Variants in ULK4 observed in about 807,000 individuals in gnomAD.
The protein encoded by ULK4 is inactive serine/threonine-protein kinase ULK4.
Under a neutral mutation model 160.6 loss-of-function variants are expected in ULK4, and 133 were observed. That is an observed-to-expected ratio of 0.83 (90% CI 0.72 to 0.96). ULK4 has a LOEUF of 0.96. Ranked by LOEUF, ULK4 falls within the 40% of genes least tolerant of loss-of-function variation. The pLI is 0.00. For missense variants in ULK4, 1,580 were observed against 1,499.5 expected, an observed-to-expected ratio of 1.05 and a Z score of -0.89; for synonymous variants, 534 against 539.8, an observed-to-expected ratio of 0.99 and a Z score of 0.15.
chr3:41,641,985 C>T (rs1373837438), intron 30 of ULK4, among the ~76,000 whole-genome samples: 4 of 151,048 alleles, frequency 2.6e-5, no homozygotes, highest in Admixed American at 1.3e-4. Flanking sequence ...AAGTGGTTCT[C>T]GTGCCTCAGC....
intron 31 of ULK4, among the ~76,000 whole-genome samples, chr3:41,573,008 C>G (rs73830247): frequency 6.6e-6 from 1 of 152,014 alleles, no homozygotes; most frequent in Admixed American, 6.6e-5. Context: ...AAGATTATGA[C>G]GAAAATATTT....
At chr3:41,598,300 A>G (rs1365684543) in intron 31 of ULK4, among the ~76,000 whole-genome samples, 2 of 152,240 alleles carry the variant, frequency 1.3e-5, no homozygotes, top group East Asian at 1.9e-4. Flanking sequence ...AATAATGTCT[A>G]AAAGTAGCTC....
At chr3:41,481,390 T>C (rs2084315695) in intron 32 of ULK4, among the ~76,000 whole-genome samples, 1 of 152,166 alleles carries the variant, frequency 6.6e-6, no homozygotes, top group South Asian at 2.1e-4. Flanking sequence ...TTGAATAGGG[T>C]AAGGCTGAAA....
chr3:41,850,803 T>C (rs2042192947), intron 17 of ULK4, among the ~76,000 whole-genome samples: 1 of 152,218 alleles, frequency 6.6e-6, no homozygotes, highest in Non-Finnish European at 1.5e-5. Context: ...GCAGAAGCTC[T>C]TTAGTTTAAT....
At chr3:41,700,213 G>C (rs1341563065) in intron 27 of ULK4, among the ~76,000 whole-genome samples, 2 of 152,156 alleles carry the variant, frequency 1.3e-5, no homozygotes, top group Non-Finnish European at 2.9e-5. Flanking sequence ...TTTCAGACTA[G>C]TTTCTGATGA....
chr3:41,546,473 T>C (rs550975636), intron 32 of ULK4, among the ~76,000 whole-genome samples: 1 of 152,276 alleles, frequency 6.6e-6, no homozygotes, highest in East Asian at 1.9e-4. Context: ...TCCAACATCT[T>C]TCATTACCAT....
chr3:41,289,106 G>C (rs1180554645), intron 35 of ULK4, among the ~76,000 whole-genome samples: 3 of 152,168 alleles, frequency 2.0e-5, no homozygotes, highest in Non-Finnish European at 1.5e-5. Context: ...TTCTATTAGA[G>C]CTGTGCCTCC....
In ULK4 at chr3:41,954,176, TAA is replaced by T. The variant is rs11325222; in HGVS notation, c.138+444_138+445del. On this transcript the variant is annotated intron_variant, in intron 2 of 36. Coordinates refer to ENST00000301831, the MANE Select transcript of ULK4 (RefSeq NM_017886.4). Reference sequence around the variant, plus strand: ...TGGGCGACAGAGTGAGACTCCGTCTTAAAAAAAAAAAAAAAAAAAGAAAAATA... The same window carrying T: ...TGGGCGACAGAGTGAGACTCCGTCTTAAAAAAAAAAAAAAAAAGAAAAATA... Among the ~76,000 whole-genome samples, 897 of 118,650 alleles carry T rather than the reference TAA, an allele frequency of 7.6e-3. 8 individuals carry two copies. Among genetic ancestry groups the T allele is most frequent in the African/African-American group, 0.026 (831 of 31,532 alleles). 77.8% of individuals were successfully genotyped at this position (118,650 alleles called of 152,430 possible). A position where few individuals can be genotyped will look rare whatever the true frequency, so the allele number is the denominator to read the frequency against.
At chr3:41,315,096 T>G (rs1417444103) in intron 35 of ULK4, among the ~76,000 whole-genome samples, 1 of 152,174 alleles carries the variant, frequency 6.6e-6, no homozygotes, top group Non-Finnish European at 1.5e-5. Flanking sequence ...CAAGAAAAAT[T>G]GGGAACAAGA....
At chr3:41,624,173 G>GA (rs1432193161) in intron 30 of ULK4, among the ~76,000 whole-genome samples, 1 of 152,108 alleles carries the variant, frequency 6.6e-6, no homozygotes, top group Admixed American at 6.6e-5. Flanking sequence ...TCAAAACCAC[G>GA]AACAACTTCA....
chr3:41,303,346 G>C (rs1459116734), intron 35 of ULK4, among the ~76,000 whole-genome samples: 2 of 152,162 alleles, frequency 1.3e-5, no homozygotes, highest in African/African-American at 4.8e-5. Flanking sequence ...TAACAATTTA[G>C]CATTTCTAGT....
chr3:41,287,789 C>T (rs540791396), intron 35 of ULK4, among the ~76,000 whole-genome samples: 2 of 152,318 alleles, frequency 1.3e-5, no homozygotes, highest in Admixed American at 6.5e-5. Context: ...AGCCCAAACA[C>T]AGGAACGAGA....
intron 32 of ULK4, among the ~76,000 whole-genome samples, chr3:41,493,933 A>C (rs995821151): frequency 6.6e-6 from 1 of 150,566 alleles, no homozygotes; most frequent in African/African-American, 2.5e-5. Flanking sequence ...TGTGGCAATA[A>C]TCAACAGCTT....
chr3:41,590,461 C>CAAAAAAAA (rs71075479), intron 31 of ULK4, among the ~76,000 whole-genome samples: 84 of 56,878 alleles, frequency 1.5e-3, no homozygotes, highest in African/African-American at 3.8e-3. Context: ...ACTAAAAATA[C>CAAAAAAAA]AAAAAAAAAA....
chr3:41,476,163 A>C (rs749741909), intron 32 of ULK4, among the ~76,000 whole-genome samples: 9 of 152,258 alleles, frequency 5.9e-5, no homozygotes, highest in South Asian at 2.1e-4. Flanking sequence ...CTAAGGGTAC[A>C]AAGAGAGAGG....
intron 35 of ULK4, among the ~76,000 whole-genome samples, chr3:41,392,230 A>T (rs540104076): frequency 6.6e-6 from 1 of 152,106 alleles, no homozygotes; most frequent in Non-Finnish European, 1.5e-5. Context: ...AAAACCTCCC[A>T]ACTTCCTGTT....
intron 32 of ULK4, among the ~76,000 whole-genome samples, chr3:41,517,748 C>T (rs1450742044): frequency 6.6e-6 from 1 of 152,190 alleles, no homozygotes; most frequent in Non-Finnish European, 1.5e-5. Flanking sequence ...GCGCCTCTGC[C>T]ACTCAGGGCT....
At chr3:41,306,261 A>T (rs1575416424) in intron 35 of ULK4, among the ~76,000 whole-genome samples, 4 of 109,874 alleles carry the variant, frequency 3.6e-5, no homozygotes, top group Admixed American at 3.4e-4. Flanking sequence ...CCCGTCCGGG[A>T]GGTGAGGGGC....
At chr3:41,897,118 C>T in intron 14 of ULK4, 115 bp from the exon 15 acceptor site, 1 of 840,234 alleles carries the variant, frequency 1.2e-6, no homozygotes, top group African/African-American at 1.7e-5. Flanking sequence ...AAACATTACA[C>T]TGTCAAAACC....
Sources: allele counts gnomAD v4.1 joint callset (sites outside exome capture counted in the v4.1 genomes callset), GRCh38; gene constraint gnomAD v4.1.1; transcripts MANE v1.5; gene names NCBI Gene and HGNC (gene_info 2026-07-23, HGNC 2026-07-21).